Variants in FAXC observed in about 807,000 individuals in gnomAD.
FAXC encodes the protein failed axon connections homolog, metaxin like GST domain containing.
In FAXC, 10 loss-of-function variants were observed where a neutral mutation model predicts 41.9. The ratio of observed to expected loss-of-function variants is 0.24; its 90% CI spans 0.15 to 0.41. FAXC has a LOEUF of 0.41. FAXC is among the 10% of genes least tolerant of loss of function. The pLI is 1.00. For synonymous variants in FAXC, 183 were observed against 183.8 expected, an observed-to-expected ratio of 1.00 and a Z score of 0.03; for missense variants, 399 against 510.9, an observed-to-expected ratio of 0.78 and a Z score of 2.11.
In FAXC at chr6:99,273,106, C is replaced by G. The variant is rs1436362874; in HGVS notation, c.*8058G>C. 2 of 152,104 alleles carry G rather than the reference C, an allele frequency of 1.3e-5. No individual in the cohort carries two copies. The highest frequency in any genetic ancestry group is 2.9e-5 in the Non-Finnish European group (2 of 68,024). The allele number at this position is 152,104 out of a possible 1,614,324, so 9.4% of individuals were successfully genotyped here. A position where few individuals can be genotyped will look rare whatever the true frequency, so the allele number is the denominator to read the frequency against. On this transcript the variant is annotated 3_prime_UTR_variant, in exon 6 of 6. Transcript: ENST00000389677. Reference sequence around the variant, plus strand: ...AACTCTGCTAAAGTAACTCATAGATCCAGAAATAAACACTGAAATGCCATC... The same window carrying G: ...AACTCTGCTAAAGTAACTCATAGATGCAGAAATAAACACTGAAATGCCATC...
At chr6:99,292,940 G>A (rs1484552820) in intron 4 of FAXC, among the ~76,000 whole-genome samples, 1 of 152,122 alleles carries the variant, frequency 6.6e-6, no homozygotes, top group African/African-American at 2.4e-5. Flanking sequence ...CCAAGTAGCT[G>A]GGATCACAGG....
intron 4 of FAXC, among the ~76,000 whole-genome samples, chr6:99,316,434 AG>A (rs1283225224): frequency 1.3e-5 from 2 of 150,488 alleles, no homozygotes; most frequent in African/African-American, 2.5e-5. Flanking sequence ...TTGGATTCTG[AG>A]CTCACTGAAG....
chr6:99,306,542 G>A (rs1284109651), intron 4 of FAXC, among the ~76,000 whole-genome samples: 1 of 152,162 alleles, frequency 6.6e-6, no homozygotes, highest in Admixed American at 6.5e-5. Flanking sequence ...ACATGTGGGA[G>A]TGTGCGGAGA....
intron 4 of FAXC, among the ~76,000 whole-genome samples, chr6:99,313,270 G>A (rs1384502798): frequency 6.6e-6 from 1 of 152,234 alleles, no homozygotes; most frequent in Non-Finnish European, 1.5e-5. Flanking sequence ...TACAGCCTGG[G>A]CAACAGAGTG....
chr6:99,318,524 C>T (rs1381854847), intron 4 of FAXC, among the ~76,000 whole-genome samples: 1 of 152,092 alleles, frequency 6.6e-6, no homozygotes, highest in Non-Finnish European at 1.5e-5. Context: ...TCTGAGCCTT[C>T]CCAAATTTCT....
chr6:99,319,304 C>A (rs1323082986), intron 4 of FAXC, among the ~76,000 whole-genome samples: 2 of 147,212 alleles, frequency 1.4e-5, no homozygotes, highest in Non-Finnish European at 3.0e-5. Flanking sequence ...GAGGGTGAGA[C>A]AGGAGAATGG....
At chr6:99,291,203 TAC>T (rs1281285715) in intron 5 of FAXC, among the ~76,000 whole-genome samples, 1 of 151,962 alleles carries the variant, frequency 6.6e-6, no homozygotes, top group Non-Finnish European at 1.5e-5. Context: ...CCTATGTACT[TAC>T]AGTTACATGT....
intron 4 of FAXC, among the ~76,000 whole-genome samples, chr6:99,315,656 C>T (rs1468383604): frequency 6.6e-6 from 1 of 152,230 alleles, no homozygotes; most frequent in South Asian, 2.1e-4. Flanking sequence ...GCAGTTTCCA[C>T]TTGCACAGCC....
chr6:99,297,029 G>A (rs1771524571), intron 4 of FAXC, among the ~76,000 whole-genome samples: 1 of 152,210 alleles, frequency 6.6e-6, no homozygotes, highest in Admixed American at 6.5e-5. Flanking sequence ...ATGTTAAGGG[G>A]TCCTGATGGA....
At chr6:99,291,312 A>G (rs139641096) in intron 5 of FAXC, among the ~76,000 whole-genome samples, 166 of 152,362 alleles carry the variant, frequency 1.1e-3, no homozygotes, top group African/African-American at 3.7e-3. Flanking sequence ...GATATACCAG[A>G]AAGTGGGGAG....
intron 4 of FAXC, among the ~76,000 whole-genome samples, chr6:99,296,915 C>A (rs1479575478): frequency 1.3e-5 from 2 of 152,138 alleles, no homozygotes; most frequent in Non-Finnish European, 2.9e-5. Context: ...GTGGTTTAGG[C>A]AGCTCCTCTC....
In FAXC at chr6:99,342,988, C is replaced by G; in HGVS notation, c.312G>C (p.Gln104His). 1 of 1,611,514 alleles carries G rather than the reference C, an allele frequency of 6.2e-7. No homozygotes were observed. The highest frequency in any genetic ancestry group is 8.5e-7 in the Non-Finnish European group (1 of 1,179,364). ...IDSKDAIILHQFARPNNGVPS... is the reference protein window; with the variant it reads ...IDSKDAIILHHFARPNNGVPS... ...GAACACCATTGTTAGGTCTTGCAAA[C>G]TGATGCAAAATAATAGCATCTTTAG... Residue 104 changes from glutamine to histidine, a missense_variant, in exon 2 of 6, where the codon CAG (glutamine) becomes CAC (histidine). Physicochemically the swap from Gln to His is conservative, Grantham distance 24 (BLOSUM62 0). Transcript: ENST00000389677.
At chr6:99,291,645 C>T (rs1011991664) in intron 5 of FAXC, 59 bp downstream of exon 5, 6 of 1,206,794 alleles carry the variant, frequency 5.0e-6, no homozygotes, top group African/African-American at 1.5e-5. Flanking sequence ...CACTGTGCTA[C>T]CCCACTGCCC....
At position 99,278,413 on chromosome 6, in the gene FAXC, G is replaced by C. The variant is rs1770705182; in HGVS notation, c.*2751C>G. The C allele has an allele frequency of 6.6e-6, 1 of 152,174 alleles. No individual in the cohort carries two copies. The highest frequency in any genetic ancestry group is 1.5e-5 in the Non-Finnish European group (1 of 68,030). 9.4% of individuals were successfully genotyped at this position (152,174 alleles called of 1,614,324 possible). A position where few individuals can be genotyped will look rare whatever the true frequency, so the allele number is the denominator to read the frequency against. On this transcript the variant is annotated 3_prime_UTR_variant, in exon 6 of 6. Transcript: ENST00000389677. ...ACCAAAAGCATCTGTTAACATTAAA[G>C]ATCACATACTTCAAGTTACCTTCCA...
chr6:99,283,123 A>G (rs1317138605), intron 5 of FAXC, among the ~76,000 whole-genome samples: 2 of 152,152 alleles, frequency 1.3e-5, no homozygotes, highest in African/African-American at 4.8e-5. Flanking sequence ...GGTTCTGTTG[A>G]TTATAGTCTG....
chr6:99,349,240 A>G lies in FAXC; in HGVS notation c.133T>C (p.Phe45Leu). ...PFSFYGDIIAFPLQDYGGIMA... is the reference protein window; with the variant it reads ...PFSFYGDIIALPLQDYGGIMA... ...ATCCCACCGTAATCCTGCAAAGGGA[A>G]AGCGATGATGTCCCCATAAAAGGAG... The change falls in exon 1 of 6, where the codon TTC (phenylalanine) becomes CTC (leucine). Residue 45 changes from phenylalanine to leucine, a missense_variant. By Grantham distance (22) the Phe-to-Leu change is conservative. Around this residue, in one of 3 missense-constraint regions of FAXC, gnomAD observed 68 missense variants for 63.4 expected, o/e 1.07. Coordinates refer to ENST00000389677, the MANE Select transcript of FAXC (RefSeq NM_032511.4). 6.2e-7 allele frequency: 1 copy of G among 1,613,934 alleles called. No homozygotes were observed. The highest frequency in any genetic ancestry group is 8.5e-7 in the Non-Finnish European group (1 of 1,180,020).
intron 4 of FAXC, among the ~76,000 whole-genome samples, chr6:99,318,076 G>A (rs1210668215): frequency 2.0e-5 from 3 of 152,146 alleles, no homozygotes; most frequent in African/African-American, 7.2e-5. Context: ...GGCTAACACG[G>A]TGAAAGCCCG....
intron 3 of FAXC, among the ~76,000 whole-genome samples, chr6:99,326,483 T>C (rs764655916): frequency 1.8e-4 from 27 of 152,078 alleles, no homozygotes; most frequent in Non-Finnish European, 2.6e-4. Flanking sequence ...ATTTGGATGA[T>C]GAAAGATTGG....
At chr6:99,290,258 T>G (rs1369721625) in intron 5 of FAXC, among the ~76,000 whole-genome samples, 1 of 151,980 alleles carries the variant, frequency 6.6e-6, no homozygotes, top group Non-Finnish European at 1.5e-5. Context: ...CACACATATA[T>G]GTTCATCCCC....
Sources: gnomAD v4.1 joint callset for allele counts (sites outside exome capture counted in the v4.1 genomes callset) on GRCh38, gnomAD v4.1.1 for gene constraint, gnomAD v4.1.1 regional missense constraint, MANE v1.5 for transcripts, NCBI Gene and HGNC (gene_info 2026-07-23, HGNC 2026-07-21) for gene names.